The following RBX1 variants were observed in gnomAD, a reference collection of about 807,000 sequenced individuals.
RBX1 encodes E3 ubiquitin-protein ligase RBX1.
For synonymous variants in RBX1, 48 were observed against 47.9 expected (o/e 1.00, Z -0.01); for missense variants, 46 against 141.4 (o/e 0.33, Z 3.42).
At chr22:40,965,959 A>C (rs907407404) in intron 3 of RBX1, among the ~76,000 whole-genome samples, 1 of 152,186 alleles carries the variant, frequency 6.6e-6, no homozygotes, top group East Asian at 1.9e-4. Flanking sequence ...AAATTTGGCT[A>C]AGGAGAGATT....
At chr22:40,955,752 T>C (rs928139261) in intron 2 of RBX1, among the ~76,000 whole-genome samples, 15 of 152,220 alleles carry the variant, frequency 9.9e-5, no homozygotes, top group African/African-American at 3.6e-4. Context: ...ATATTTTCTG[T>C]TGGAAAGCAG....
At chr22:40,968,052 A>G (rs900938163) in intron 4 of RBX1, among the ~76,000 whole-genome samples, 168 bp downstream of exon 4, 1 of 151,308 alleles carries the variant, frequency 6.6e-6, no homozygotes, top group African/African-American at 2.4e-5. Flanking sequence ...GGATTAGCCA[A>G]CATTAGACAT....
intron 2 of RBX1, among the ~76,000 whole-genome samples, chr22:40,962,656 C>T (rs954099826): frequency 3.3e-5 from 5 of 150,998 alleles, no homozygotes; most frequent in African/African-American, 1.2e-4. Flanking sequence ...CCACCACACA[C>T]ACCTGGCTAA....
At chr22:40,963,566 G>A (rs559782871) in intron 2 of RBX1, among the ~76,000 whole-genome samples, 2 of 152,234 alleles carry the variant, frequency 1.3e-5, no homozygotes, top group African/African-American at 2.4e-5. Flanking sequence ...AACTCGGGGG[G>A]CGGAGGTTGC....
intron 4 of RBX1, among the ~76,000 whole-genome samples, chr22:40,969,996 G>T (rs1052531686): frequency 6.6e-5 from 10 of 151,188 alleles, no homozygotes; most frequent in Non-Finnish European, 1.2e-4. Context: ...AGGAGGCGGA[G>T]GTTGCAGTAA....
chr22:40,967,849 G>C lies in RBX1; in HGVS notation c.279G>C (p.Val93=). 1 of 1,613,900 alleles carries C rather than the reference G, an allele frequency of 6.2e-7. No individual in the cohort carries two copies. Among genetic ancestry groups the C allele is most frequent in the Non-Finnish European group, 8.5e-7 (1 of 1,179,812 alleles). ...CTCGCTGGCTCAAAACACGACAGGT[G>C]TGTCCATTGGACAACAGAGAGTGGG... The part of the protein sequence containing the change: ...CISRWLKTRQ[V]CPLDNREWEF... Residue 93 remains valine (V), a synonymous_variant, in exon 4 of 5, where the codon GTG becomes GTC. Coordinates refer to ENST00000216225, the MANE Select transcript of RBX1 (RefSeq NM_014248.4).
intron 2 of RBX1, 83 bp from the exon 3 acceptor site, chr22:40,963,964 C>T: frequency 1.0e-6 from 1 of 968,650 alleles, no homozygotes; most frequent in South Asian, 1.3e-5. Context: ...GCTAATTAAC[C>T]ACTTGAGAAT....
chr22:40,963,979 T>C, intron 2 of RBX1, 68 bp from the exon 3 acceptor site: 2 of 1,176,580 alleles, frequency 1.7e-6, no homozygotes, highest in African/African-American at 1.5e-5. Flanking sequence ...GAGAATTGTT[T>C]TGGCTGCTAT....
chr22:40,961,920 G>T (rs2058341624), intron 2 of RBX1, among the ~76,000 whole-genome samples: 1 of 151,982 alleles, frequency 6.6e-6, no homozygotes. Context: ...GAGTAGCTGG[G>T]ATTACAGATA....
intron 2 of RBX1, among the ~76,000 whole-genome samples, chr22:40,956,490 CAGGTG>C (rs2058325732): frequency 6.7e-6 from 1 of 150,262 alleles, no homozygotes; most frequent in Non-Finnish European, 1.5e-5. Flanking sequence ...GCTGGGACTA[CAGGTG>C]TGGGCCACCT....
intron 4 of RBX1, among the ~76,000 whole-genome samples, chr22:40,971,240 GTTA>G (rs952347630): frequency 5.3e-5 from 8 of 152,176 alleles, no homozygotes; most frequent in Non-Finnish European, 7.3e-5. Context: ...CCAGGTGGTA[GTTA>G]TCAGTGCTTT....
intron 3 of RBX1, 40 bp from the exon 4 acceptor site, chr22:40,967,759 G>A (rs371878580): frequency 1.3e-6 from 2 of 1,550,370 alleles, no homozygotes; most frequent in Non-Finnish European, 1.8e-6. Context: ...GGCTGAGCCT[G>A]CATAGAGTTA....
chr22:40,953,730 C>A, intron 2 of RBX1, 97 bp downstream of exon 2: 1 of 817,614 alleles, frequency 1.2e-6, no homozygotes, highest in Non-Finnish European at 2.1e-6. Flanking sequence ...GAGGAGATAG[C>A]AAGCCTACTC....
intron 3 of RBX1, chr22:40,966,511 T>C (rs1391710526): frequency 6.6e-6 from 1 of 152,326 alleles, no homozygotes; most frequent in Middle Eastern, 3.4e-3. Context: ...AATTTTGCTC[T>C]TTCTCTTTTT....
intron 4 of RBX1, among the ~76,000 whole-genome samples, chr22:40,969,243 C>T (rs891050809): frequency 1.9e-4 from 29 of 152,008 alleles, no homozygotes; most frequent in African/African-American, 7.0e-4. Context: ...ACCCAGGAGG[C>T]GGAGATTGTG....
intron 1 of RBX1, among the ~76,000 whole-genome samples, chr22:40,952,357 A>G (rs949840660): frequency 1.3e-5 from 2 of 152,220 alleles, no homozygotes; most frequent in African/African-American, 4.8e-5. Context: ...TGGAGATTCT[A>G]AAATAGGGAA....
intron 3 of RBX1, among the ~76,000 whole-genome samples, chr22:40,965,190 C>T (rs1203938015): frequency 6.6e-6 from 1 of 151,784 alleles, no homozygotes; most frequent in African/African-American, 2.4e-5. Flanking sequence ...GTAGTCCCAG[C>T]TACTCGGGAG....
At chr22:40,953,148 G>A (rs750080507) in intron 1 of RBX1, among the ~76,000 whole-genome samples, 8 of 151,932 alleles carry the variant, frequency 5.3e-5, no homozygotes, top group Non-Finnish European at 1.0e-4. Flanking sequence ...CCGCCACCAG[G>A]CCTGGCTAAT....
chr22:40,964,167 T>C, intron 3 of RBX1, 50 bp downstream of exon 3: 1 of 1,395,560 alleles, frequency 7.2e-7, no homozygotes, highest in Non-Finnish European at 1.0e-6. Context: ...ATATTTCCAC[T>C]TTTCCTGCTT....
Sources: gnomAD v4.1 joint callset for allele counts (sites outside exome capture counted in the v4.1 genomes callset) on GRCh38, gnomAD v4.1.1 for gene constraint, MANE v1.5 for transcripts, NCBI Gene and HGNC (gene_info 2026-07-23, HGNC 2026-07-21) for gene names.